OAS3: variants seen among roughly 807,000 people sequenced by gnomAD.
The protein encoded by OAS3 is 2'-5'-oligoadenylate synthase 3.
Under a neutral mutation model 113.0 loss-of-function variants are expected in OAS3, and 107 were observed. The observed-to-expected ratio is 0.95, with a 90% CI of 0.81 to 1.11. The LOEUF is 1.11. Among genes scored for constraint, OAS3 ranks in the 50% most tolerant of loss-of-function variants. The pLI is 0.00. For missense variants in OAS3, 1,258 were observed against 1,389.1 expected, an observed-to-expected ratio of 0.91 and a Z score of 1.50; for synonymous variants, 552 against 573.6, an observed-to-expected ratio of 0.96 and a Z score of 0.54.
rs375736048 is a variant in OAS3 at position 112,965,738 on chromosome 12, C to T, written c.2404-6C>T. 1 of 1,606,078 alleles carries T rather than the reference C, an allele frequency of 6.2e-7. No individual in the cohort carries two copies. The highest frequency in any genetic ancestry group is 2.2e-5 in the East Asian group (1 of 44,812). ...AGGGTTGAGCCACCTGCCATGTCCT[C>T]TCCAGGGTGGCTCTTCAGCCAAAGG... On this transcript the variant is annotated splice_region_variant and splice_polypyrimidine_tract_variant and intron_variant, in intron 11 of 15. Transcript: ENST00000228928.
At chr12:112,958,737 A>G (rs2043856933) in intron 7 of OAS3, among the ~76,000 whole-genome samples, 1 of 152,204 alleles carries the variant, frequency 6.6e-6, no homozygotes, top group Non-Finnish European at 1.5e-5. Context: ...CAGCCATATG[A>G]GGTGTCAGTC....
In OAS3 at chr12:112,938,637, T is replaced by G. The variant is rs2043651234; in HGVS notation, c.107T>G (p.Leu36Arg). Residue 36 changes from leucine (L) to arginine (R), a missense_variant, in exon 1 of 16, where the codon CTG becomes CGG. Physicochemically the swap from Leu to Arg is moderately radical, Grantham distance 102. Transcript: ENST00000228928. ...AAGGCGCGGCGCGCTCTGGGCGCCC[T>G]GGCCGCTGCCCTGAGGGAGCGCGGG... Reference protein sequence around the residue: ...VEKARRALGALAAALRERGGR... With the variant: ...VEKARRALGARAAALRERGGR... 1 of 1,605,776 alleles carries G rather than the reference T, an allele frequency of 6.2e-7. No homozygotes were observed.
chr12:112,958,850 G>A (rs1254810458), intron 7 of OAS3, among the ~76,000 whole-genome samples: 1 of 152,236 alleles, frequency 6.6e-6, no homozygotes, highest in Non-Finnish European at 1.5e-5. Context: ...CATGCTGGGA[G>A]AACCACTACT....
chr12:112,947,914 AC>A (rs1348500397), intron 4 of OAS3, 31 bp from the exon 5 acceptor site: 4 of 1,548,294 alleles, frequency 2.6e-6, no homozygotes, highest in Non-Finnish European at 3.5e-6. Context: ...CCTCTTGCTA[AC>A]CAGAACCTTC....
chr12:112,952,056 A>G (rs1466881739), intron 7 of OAS3, among the ~76,000 whole-genome samples: 1 of 152,084 alleles, frequency 6.6e-6, no homozygotes, highest in Non-Finnish European at 1.5e-5. Context: ...GGTCCTTTAG[A>G]TCTAGCTTAT....
chr12:112,940,492 G>A (rs1182833326), intron 1 of OAS3, among the ~76,000 whole-genome samples: 1 of 152,214 alleles, frequency 6.6e-6, no homozygotes, highest in Admixed American at 6.5e-5. Flanking sequence ...CCCAGACACA[G>A]AACAGTGGCT....
Position 112,970,805 on chromosome 12 carries a change from A to G in OAS3, c.*832A>G, listed in dbSNP as rs1241648417. 6 of 152,230 alleles carry G rather than the reference A, an allele frequency of 3.9e-5. No homozygotes were observed. Among genetic ancestry groups the G allele is most frequent in the African/African-American group, 7.2e-5 (3 of 41,456 alleles). The allele number at this position is 152,230 out of a possible 1,614,324, so 9.4% of individuals were successfully genotyped here. A position where few individuals can be genotyped will look rare whatever the true frequency, so the allele number is the denominator to read the frequency against. On this transcript the variant is annotated 3_prime_UTR_variant, in exon 16 of 16. Coordinates refer to ENST00000228928, the MANE Select transcript of OAS3 (RefSeq NM_006187.4). ...TGGACACCTAATTGGATGCCTCTTC[A>G]TGAGAGGCCTCCTTTTCTTCACCTT... is the stretch of plus-strand genomic sequence containing the variant.
chr12:112,946,540 A>C (rs2136346453), intron 3 of OAS3, among the ~76,000 whole-genome samples: 1 of 148,586 alleles, frequency 6.7e-6, no homozygotes, highest in South Asian at 2.2e-4. Context: ...CCCTCCCACC[A>C]CTCCCCCATC....
Position 112,967,980 on chromosome 12 carries a change from C to A in OAS3, c.2910C>A (p.His970Gln), listed in dbSNP as rs878740. ...SKGRGSLPPQ[H>Q]GLELLTVYAW... ...GGAGAGGCTCCCTACCCCCACAGCA[C>A]GGGCTGGAACTCCTGACTGTGTATG... The change falls in exon 14 of 16, where the codon CAC becomes CAA. Residue 970 changes from histidine to glutamine, a missense_variant. His to Gln is a conservative substitution (Grantham distance 24, BLOSUM62 0). Transcript: ENST00000228928. The A allele has an allele frequency of 6.2e-7, 1 of 1,613,936 alleles. No individual in the cohort carries two copies. Among genetic ancestry groups the A allele is most frequent in the Non-Finnish European group, 8.5e-7 (1 of 1,179,878 alleles).
chr12:112,951,022 C>G (rs756903043), intron 7 of OAS3, 47 bp downstream of exon 7: 1 of 1,562,162 alleles, frequency 6.4e-7, no homozygotes, highest in Non-Finnish European at 8.7e-7. Flanking sequence ...GGACCTCAGG[C>G]GCCCATCTAA....
chr12:112,955,885 T>C (rs1593180417), intron 7 of OAS3, among the ~76,000 whole-genome samples: 1 of 152,346 alleles, frequency 6.6e-6, no homozygotes, highest in East Asian at 1.9e-4. Context: ...CTTTTTCTAT[T>C]GATTGGAAAA....
At chr12:112,944,753 C>A in intron 3 of OAS3, 102 bp downstream of exon 3, 1 of 1,243,822 alleles carries the variant, frequency 8.0e-7, no homozygotes, top group Non-Finnish European at 1.2e-6. Flanking sequence ...TTCATGTTCT[C>A]TCTCTGGGAA....
intron 7 of OAS3, among the ~76,000 whole-genome samples, chr12:112,957,095 C>T (rs892695046): frequency 2.0e-5 from 3 of 152,282 alleles, no homozygotes; most frequent in African/African-American, 7.2e-5. Flanking sequence ...TATGTAATGG[C>T]CTTCTTTGTC....
chr12:112,938,820 ATTTC>A, intron 1 of OAS3, 113 bp downstream of exon 1: 1 of 850,912 alleles, frequency 1.2e-6, no homozygotes, highest in Non-Finnish European at 1.7e-6. Context: ...CACCTCATTC[ATTTC>A]TTTAACAAAT....
At chr12:112,964,522 C>A in intron 11 of OAS3, 114 bp downstream of exon 11, 1 of 1,124,466 alleles carries the variant, frequency 8.9e-7, no homozygotes, top group Non-Finnish European at 1.3e-6. Flanking sequence ...AAAAGCCAGG[C>A]ATAGAGAAAG....
At position 112,962,809 on chromosome 12, in the gene OAS3, A is replaced by G. The variant is rs1158297519; in HGVS notation, c.1991A>G (p.Gln664Arg). The G allele has an allele frequency of 6.2e-7, 1 of 1,613,940 alleles. No individual in the cohort carries two copies. Among genetic ancestry groups the G allele is most frequent in the Non-Finnish European group, 8.5e-7 (1 of 1,179,904 alleles). The change falls in exon 9 of 16, where the codon CAG becomes CGG. Residue 664 changes from glutamine to arginine, a missense_variant. Coordinates refer to ENST00000228928, the MANE Select transcript of OAS3 (RefSeq NM_006187.4). Reference sequence around the variant, plus strand: ...CGGACGGTGCTGGGGCTCGTGCAACAGCATCAGCAGCTCTGTGTCTACTGG... The same window carrying G: ...CGGACGGTGCTGGGGCTCGTGCAACGGCATCAGCAGCTCTGTGTCTACTGG... Reference protein sequence around the residue: ...GFRTVLGLVQQHQQLCVYWTV... With the variant: ...GFRTVLGLVQRHQQLCVYWTV...
At chr12:112,945,461 T>C (rs2043719870) in intron 3 of OAS3, 1 of 152,992 alleles carries the variant, frequency 6.5e-6, no homozygotes, top group Non-Finnish European at 1.5e-5. Flanking sequence ...ATGAGGTATA[T>C]GCGGAGTTGG....
chr12:112,949,112 C>T lies in OAS3; in HGVS notation c.1281C>T (p.Ser427=), dbSNP rs557324465. Residue 427 remains serine (S), a synonymous_variant, in exon 6 of 16, where the codon AGC becomes AGT. Coordinates refer to ENST00000228928, the MANE Select transcript of OAS3 (RefSeq NM_006187.4). The part of the protein sequence containing the change: ...DRFIQDHLKP[S]PQFQEQVKKA... ...TCATCCAGGACCACCTGAAGCCGAG[C>T]CCCCAGTTCCAGGAGCAGGTGAAAA... 1.9e-6 allele frequency: 3 copies of T among 1,613,950 alleles called. No individual in the cohort carries two copies. The highest frequency in any genetic ancestry group is 1.6e-4 in the Middle Eastern group (1 of 6,062).
At chr12:112,947,872 C>G (rs987118083) in intron 4 of OAS3, 74 bp from the exon 5 acceptor site, 1 of 1,333,200 alleles carries the variant, frequency 7.5e-7, no homozygotes, top group Non-Finnish European at 1.0e-6. Flanking sequence ...AGCAGAGATG[C>G]GATTGGAACC....
Sources: gnomAD v4.1 joint callset for allele counts (sites outside exome capture counted in the v4.1 genomes callset) on GRCh38, gnomAD v4.1.1 for gene constraint, MANE v1.5 for transcripts, NCBI Gene and HGNC (gene_info 2026-07-23, HGNC 2026-07-21) for gene names.